Variants in MGMT observed in about 807,000 individuals in gnomAD.
MGMT encodes the protein O-6-methylguanine-DNA methyltransferase.
A neutral mutation model predicts 15.9 loss-of-function variants in MGMT; 14 were observed. That is an observed-to-expected ratio of 0.88 (90% CI 0.58 to 1.37). The LOEUF is 1.37. Ranked by LOEUF, MGMT falls within the 40% of genes most tolerant of loss-of-function variation. The pLI, the probability that MGMT is intolerant of heterozygous loss-of-function variation, is 0.00. For synonymous variants in MGMT, 130 were observed against 118.2 expected (o/e 1.10, Z -0.65); for missense variants, 282 against 268.1 (o/e 1.05, Z -0.36).
chr10:129,536,544 C>A, intron 2 of MGMT, 167 bp downstream of exon 2: 1 of 775,526 alleles, frequency 1.3e-6, no homozygotes, highest in Non-Finnish European at 2.0e-6. Flanking sequence ...ACGGCTCCTG[C>A]ATTTGCAGCT....
chr10:129,559,342 A>G (rs1564851998), intron 2 of MGMT, among the ~76,000 whole-genome samples: 1 of 152,176 alleles, frequency 6.6e-6, no homozygotes, highest in African/African-American at 2.4e-5. Context: ...CGATCCCATA[A>G]GACCTTTAAA....
At chr10:129,698,492 C>G (rs1186678235) in intron 2 of MGMT, among the ~76,000 whole-genome samples, 1 of 152,166 alleles carries the variant, frequency 6.6e-6, no homozygotes, top group Non-Finnish European at 1.5e-5. Context: ...AAGTTTATAT[C>G]TTTACAGATA....
At chr10:129,575,308 A>G (rs1846467307) in intron 2 of MGMT, among the ~76,000 whole-genome samples, 1 of 152,224 alleles carries the variant, frequency 6.6e-6, no homozygotes, top group Non-Finnish European at 1.5e-5. Flanking sequence ...AGCAAATGTA[A>G]AAGAACAGAA....
intron 4 of MGMT, among the ~76,000 whole-genome samples, chr10:129,766,237 A>G (rs1564789028): frequency 6.6e-6 from 1 of 152,216 alleles, no homozygotes; most frequent in Non-Finnish European, 1.5e-5. Flanking sequence ...CACAGCCAGT[A>G]TGGAGAAAAA....
intron 3 of MGMT, among the ~76,000 whole-genome samples, chr10:129,736,679 A>AT (rs977399648): frequency 1.3e-5 from 2 of 152,040 alleles, no homozygotes; most frequent in Non-Finnish European, 2.9e-5. Context: ...TTTTGGCATG[A>AT]TTTTGCAGCG....
intron 2 of MGMT, among the ~76,000 whole-genome samples, chr10:129,704,829 A>C: frequency 6.6e-6 from 1 of 151,956 alleles, no homozygotes; most frequent in East Asian, 1.9e-4. Context: ...TACACCCACA[A>C]AATGCTCCAG....
intron 2 of MGMT, among the ~76,000 whole-genome samples, chr10:129,618,722 A>T (rs1009090011): frequency 1.8e-5 from 1 of 56,286 alleles, no homozygotes; most frequent in Non-Finnish European, 5.5e-5. Context: ...AAATTTATCC[A>T]TAAGTTTTTC....
chr10:129,533,056 G>T lies in MGMT; in HGVS notation c.-12-3185G>T, dbSNP rs1261531033. Among the ~76,000 whole-genome samples, 1 of 152,242 alleles carries T rather than the reference G, an allele frequency of 6.6e-6. No individual in the cohort carries two copies. Among genetic ancestry groups the T allele is most frequent in the Non-Finnish European group, 1.5e-5 (1 of 68,040 alleles). ...GAGCAGGTCCCACGGAGGCAGAGCA[G>T]CCGAGAATCAACGGTGGCCATAGCC... On this transcript the variant is annotated intron_variant, in intron 1 of 4. Coordinates refer to ENST00000651593, the MANE Select transcript of MGMT (RefSeq NM_002412.5). This position sits in a 1 kb window ranked among gnomAD's most constrained non-coding sequence, Gnocchi z 4.5.
At chr10:129,681,293 A>G (rs1847849803) in intron 2 of MGMT, among the ~76,000 whole-genome samples, 1 of 152,194 alleles carries the variant, frequency 6.6e-6, no homozygotes, top group African/African-American at 2.4e-5. Flanking sequence ...GATGATATAT[A>G]GTGTATTTCT....
At chr10:129,514,739 A>G (rs1845720067) in intron 1 of MGMT, among the ~76,000 whole-genome samples, 2 of 152,214 alleles carry the variant, frequency 1.3e-5, no homozygotes, top group Admixed American at 1.3e-4. Flanking sequence ...GGAAGGCGCC[A>G]TCTGCGAGGA....
Position 129,746,232 on chromosome 10 carries a change from C to CT in MGMT, c.275-12969dup, listed in dbSNP as rs955647354. On this transcript the variant is annotated intron_variant, in intron 3 of 4. Transcript: ENST00000651593. ...CCAGCCTAGGGGACAGAGCGAGACT[C>CT]TGTCTCAAAAAAAAAAAAAAAAACA... Among the ~76,000 whole-genome samples, 12 of 120,442 alleles carry CT rather than the reference C, an allele frequency of 1.0e-4. No individual in the cohort carries two copies. In the South Asian group the frequency reaches 3.4e-3, roughly 34 times the overall value. 79.0% of individuals were successfully genotyped at this position (120,442 alleles called of 152,430 possible).
At chr10:129,675,715 C>G (rs1847778075) in intron 2 of MGMT, among the ~76,000 whole-genome samples, 1 of 152,188 alleles carries the variant, frequency 6.6e-6, no homozygotes, top group African/African-American at 2.4e-5. Context: ...CACACACCCA[C>G]TGCTGCTGCT....
chr10:129,730,544 ACAG>A (rs1848484191), intron 3 of MGMT, among the ~76,000 whole-genome samples: 1 of 152,178 alleles, frequency 6.6e-6, no homozygotes, highest in African/African-American at 2.4e-5. Context: ...TGCTCCAAAG[ACAG>A]CAGAGCAGAC....
At chr10:129,687,587 G>A (rs889365076) in intron 2 of MGMT, among the ~76,000 whole-genome samples, 2 of 152,224 alleles carry the variant, frequency 1.3e-5, no homozygotes, top group Non-Finnish European at 2.9e-5. Flanking sequence ...TAGTGCACAC[G>A]TAGGCCCTTA....
chr10:129,656,558 C>T (rs919932815), intron 2 of MGMT, among the ~76,000 whole-genome samples: 3 of 152,220 alleles, frequency 2.0e-5, no homozygotes, highest in Non-Finnish European at 4.4e-5. Context: ...GTCCTGATGA[C>T]ACGTGCCCCA....
intron 3 of MGMT, among the ~76,000 whole-genome samples, chr10:129,718,234 C>G (rs1000196848): frequency 1.1e-4 from 16 of 152,232 alleles, no homozygotes; most frequent in African/African-American, 3.6e-4. Context: ...TGAATGTGCA[C>G]AGGGAGCTTT....
intron 2 of MGMT, among the ~76,000 whole-genome samples, chr10:129,564,479 T>C (rs145574020): frequency 1.5e-4 from 10 of 66,318 alleles, no homozygotes; most frequent in Non-Finnish European, 2.9e-4. Context: ...TTCCCCTTCC[T>C]CCTCCCTTCC....
chr10:129,692,468 C>T (rs937945727), intron 2 of MGMT, among the ~76,000 whole-genome samples: 6 of 152,262 alleles, frequency 3.9e-5, no homozygotes, highest in East Asian at 1.9e-4. Context: ...AACAAATGGG[C>T]GTGGCTGTGT....
At chr10:129,710,142 C>T (rs375509286) in intron 3 of MGMT, among the ~76,000 whole-genome samples, 30 of 152,326 alleles carry the variant, frequency 2.0e-4, no homozygotes, top group African/African-American at 4.6e-4. Context: ...GGCCAGGCTG[C>T]TTCCTGGGCT....
Sources: gnomAD v4.1 joint callset for allele counts (sites outside exome capture counted in the v4.1 genomes callset) on GRCh38, gnomAD v4.1.1 for gene constraint, Gnocchi (gnomAD v3.1) non-coding constraint, MANE v1.5 for transcripts, NCBI Gene and HGNC (gene_info 2026-07-23, HGNC 2026-07-21) for gene names.